The following CDH9 variants were observed in gnomAD, a reference collection of about 807,000 sequenced individuals.
CDH9 encodes the protein cadherin-9.
CDH9 carries 28 observed loss-of-function variants against 70.9 expected under a neutral mutation model. The ratio of observed to expected loss-of-function variants is 0.40; its 90% CI spans 0.29 to 0.54. The LOEUF (loss-of-function observed/expected upper bound fraction) is 0.54, where lower values mean the gene tolerates loss of function less well. CDH9 is among the 20% of genes least tolerant of loss of function. CDH9 has a pLI of 0.59. For synonymous variants in CDH9, 409 were observed against 343.1 expected (o/e 1.19, Z -2.12); for missense variants, 874 against 984.4 (o/e 0.89, Z 1.50).
chr5:27,030,036 GA>G (rs1302182590), intron 1 of CDH9, among the ~76,000 whole-genome samples: 1 of 151,958 alleles, frequency 6.6e-6, no homozygotes, highest in African/African-American at 2.4e-5. Flanking sequence ...AGTATACAAG[GA>G]TATCCTTTGC....
At chr5:26,997,572 T>C (rs1343885032) in intron 1 of CDH9, among the ~76,000 whole-genome samples, 1 of 152,208 alleles carries the variant, frequency 6.6e-6, no homozygotes, top group Non-Finnish European at 1.5e-5. Flanking sequence ...TTTTAATCAG[T>C]GCCAGAGATG....
intron 7 of CDH9, among the ~76,000 whole-genome samples, chr5:26,897,606 T>G (rs1740776284): frequency 6.6e-6 from 1 of 152,062 alleles, no homozygotes; most frequent in Non-Finnish European, 1.5e-5. Context: ...AGGCCTTCAA[T>G]AAACTTCAAC....
chr5:27,011,444 T>A (rs1371804457), intron 1 of CDH9, among the ~76,000 whole-genome samples: 1 of 151,798 alleles, frequency 6.6e-6, no homozygotes, highest in Non-Finnish European at 1.5e-5. Context: ...GAGACAGAGA[T>A]TGCACAAGAA....
intron 1 of CDH9, among the ~76,000 whole-genome samples, chr5:27,012,563 A>G (rs762712778): frequency 2.1e-4 from 32 of 152,012 alleles, no homozygotes; most frequent in Non-Finnish European, 4.4e-4. Context: ...AATGCTTTCA[A>G]TTAGTCTCCA....
chr5:27,017,667 T>A (rs1389007456), intron 1 of CDH9, among the ~76,000 whole-genome samples: 1 of 152,028 alleles, frequency 6.6e-6, no homozygotes, highest in Non-Finnish European at 1.5e-5. Context: ...AAGTTTCACA[T>A]AAAGTATGCT....
At chr5:27,031,688 T>G (rs1743312835) in intron 1 of CDH9, among the ~76,000 whole-genome samples, 1 of 151,936 alleles carries the variant, frequency 6.6e-6, no homozygotes, top group Admixed American at 6.6e-5. Flanking sequence ...ACTAGCAAAC[T>G]TGCATGCCTA....
At chr5:27,003,332 T>C (rs1354599010) in intron 1 of CDH9, among the ~76,000 whole-genome samples, 3 of 152,132 alleles carry the variant, frequency 2.0e-5, no homozygotes, top group Admixed American at 2.0e-4. Context: ...GAATTCTAAA[T>C]AATGTATGTG....
At chr5:26,991,163 G>T (rs139241261) in intron 1 of CDH9, among the ~76,000 whole-genome samples, 12 of 152,132 alleles carry the variant, frequency 7.9e-5, no homozygotes, top group Admixed American at 7.9e-4. Flanking sequence ...CTTCTAGTCC[G>T]GTAAGAGATG....
In CDH9 at chr5:27,007,606, T is replaced by C. The variant is rs142594454; in HGVS notation, c.-49-19224A>G. On this transcript the variant is annotated intron_variant, in intron 1 of 11. Transcript: ENST00000231021. ...TATTTTTAAAGCACAAATAAATATA[T>C]AAAATATGGACTATTACATAGGAAA... Among the ~76,000 whole-genome samples the C allele has an allele frequency of 2.9e-3, 440 of 152,170 alleles. 3 individuals are homozygous for C. Among genetic ancestry groups the C allele is most frequent in the African/African-American group, 9.9e-3 (411 of 41,548 alleles).
At chr5:27,004,330 C>G (rs866650162) in intron 1 of CDH9, among the ~76,000 whole-genome samples, 3 of 151,752 alleles carry the variant, frequency 2.0e-5, no homozygotes, top group Admixed American at 6.6e-5. Flanking sequence ...TACAGCTGAG[C>G]GAATAAGGAG....
intron 2 of CDH9, among the ~76,000 whole-genome samples, chr5:26,959,207 A>C (rs1741993637): frequency 6.6e-6 from 1 of 152,172 alleles, no homozygotes; most frequent in Admixed American, 6.5e-5. Flanking sequence ...GCTTGAAAAT[A>C]AATTTCCTCA....
intron 3 of CDH9, among the ~76,000 whole-genome samples, chr5:26,909,823 G>A (rs1286280689): frequency 6.6e-6 from 1 of 151,586 alleles, no homozygotes; most frequent in African/African-American, 2.4e-5. Flanking sequence ...AAGACTCAAA[G>A]GCTAATTCTA....
rs771642548 is a variant in CDH9, at chr5:26,988,296, G to C, written c.38C>G (p.Thr13Ser). The change falls in exon 2 of 12, where the codon ACC becomes AGC. Residue 13 changes from threonine to serine, a missense_variant. By Grantham distance (58) the Thr-to-Ser change is moderately conservative. Coordinates refer to ENST00000231021, the MANE Select transcript of CDH9 (RefSeq NM_016279.4). ...GGTGTCAACTGTATGGAACATATAG[G>C]TCCAGATGAATAATGGTATATAATG... is the stretch of plus-strand genomic sequence containing the variant. ...TYHYIPLFIW[T>S]YMFHTVDTIL... 3.1e-6 allele frequency: 5 copies of C among 1,612,972 alleles called. No individual in the cohort carries two copies. The African/African-American group carries it at 6.7e-5, about 22-fold the overall frequency.
rs1353562739 is a variant in CDH9 at position 27,038,474 on chromosome 5, A to G, written c.-61T>C. 1 of 152,048 alleles carries G rather than the reference A, an allele frequency of 6.6e-6. No homozygotes were observed. Among genetic ancestry groups the G allele is most frequent in the African/African-American group, 2.4e-5 (1 of 41,428 alleles). 9.4% of individuals were successfully genotyped at this position (152,048 alleles called of 1,614,324 possible). Reference sequence around the variant, plus strand: ...TAAATAACACTTACCTTGCTTAACAATGGAACTGAGTTTAGCCCTACTCCG... The same window carrying G: ...TAAATAACACTTACCTTGCTTAACAGTGGAACTGAGTTTAGCCCTACTCCG... On this transcript the variant is annotated 5_prime_UTR_variant, in exon 1 of 12. Transcript: ENST00000231021.
chr5:26,992,818 C>T (rs932925186), intron 1 of CDH9, among the ~76,000 whole-genome samples: 14 of 152,012 alleles, frequency 9.2e-5, no homozygotes, highest in African/African-American at 1.4e-4. Flanking sequence ...AAATAATGGC[C>T]GGGCGTGGTG....
chr5:26,909,273 G>A (rs910717100), intron 3 of CDH9, among the ~76,000 whole-genome samples: 9 of 151,998 alleles, frequency 5.9e-5, no homozygotes, highest in East Asian at 1.9e-4. Context: ...GTGAGCCACC[G>A]TGCCCAGCCA....
At chr5:26,885,238 AGTAAATTAT>A (rs1346424283) in intron 11 of CDH9, among the ~76,000 whole-genome samples, 4 of 152,186 alleles carry the variant, frequency 2.6e-5, no homozygotes, top group African/African-American at 9.6e-5. Flanking sequence ...TGAGTGACTG[AGTAAATTAT>A]GCAGCCTTTC....
chr5:27,010,986 AG>A (rs1324320112), intron 1 of CDH9, among the ~76,000 whole-genome samples: 1 of 152,136 alleles, frequency 6.6e-6, no homozygotes, highest in East Asian at 1.9e-4. Context: ...TGTCAAGAAA[AG>A]AGAGGGAACC....
intron 2 of CDH9, among the ~76,000 whole-genome samples, chr5:26,933,800 A>G (rs2112027054): frequency 6.6e-6 from 1 of 151,990 alleles, no homozygotes; most frequent in South Asian, 2.1e-4. Flanking sequence ...ATAAAATAAA[A>G]TAAAATAAAA....
Sources: gnomAD v4.1 joint callset for allele counts (sites outside exome capture counted in the v4.1 genomes callset) on GRCh38, gnomAD v4.1.1 for gene constraint, MANE v1.5 for transcripts, NCBI Gene and HGNC (gene_info 2026-07-23, HGNC 2026-07-21) for gene names.